The following TPMT variants were observed in gnomAD, a reference collection of about 807,000 sequenced individuals.
TPMT encodes thiopurine S-methyltransferase.
Under a neutral mutation model 34.2 loss-of-function variants are expected in TPMT, and 18 were observed. The ratio of observed to expected loss-of-function variants is 0.53; its 90% CI spans 0.36 to 0.78. TPMT has a LOEUF of 0.78. Ranked by LOEUF, TPMT falls within the 30% of genes least tolerant of loss-of-function variation. The pLI, the probability that TPMT is intolerant of heterozygous loss-of-function variation, is 0.00. For synonymous variants in TPMT, 69 were observed against 92.4 expected (o/e 0.75, Z 1.45); for missense variants, 265 against 288.1 (o/e 0.92, Z 0.58).
Position 18,132,209 on chromosome 6 carries a change from T to C in TPMT, c.581-32A>G, listed in dbSNP as rs1297851993. On this transcript the variant is annotated intron_variant, in intron 7 of 8. Coordinates refer to ENST00000309983, the MANE Select transcript of TPMT (RefSeq NM_000367.5). The surrounding 1 kb of genome is among the most constrained non-coding windows in gnomAD (Gnocchi z 4.8). ...AAAAGAGAAATAAATTCTGAGTTTA[T>C]TTCCAATGACGTAGGTGTACTTGTT... 2 of 1,606,630 alleles carry C rather than the reference T, an allele frequency of 1.2e-6. No individual in the cohort carries two copies. Among genetic ancestry groups the C allele is most frequent in the East Asian group, 2.2e-5 (1 of 44,854 alleles).
At position 18,139,139 on chromosome 6, in the gene TPMT, G is replaced by A. The variant is rs1784094777; in HGVS notation, c.420-102C>T. ...ATGCTGGTACTTCAACAATCGTCAA[G>A]GTATTAGGATCTCACGTCTGCGTTT... On this transcript the variant is annotated intron_variant, in intron 5 of 8. Transcript: ENST00000309983. The surrounding 1 kb of genome is among the most constrained non-coding windows in gnomAD (Gnocchi z 4.2). 9.5e-7 allele frequency: 1 copy of A among 1,050,068 alleles called. No individual in the cohort carries two copies. The highest frequency in any genetic ancestry group is 1.5e-6 in the Non-Finnish European group (1 of 667,712). 65.0% of individuals were successfully genotyped at this position (1,050,068 alleles called of 1,614,324 possible). A position where few individuals can be genotyped will look rare whatever the true frequency, so the allele number is the denominator to read the frequency against.
intron 6 of TPMT, among the ~76,000 whole-genome samples, chr6:18,137,551 G>A (rs1784065136): frequency 6.6e-6 from 1 of 151,998 alleles, no homozygotes; most frequent in Admixed American, 6.6e-5. Flanking sequence ...ATACAGATGT[G>A]GTCACATTTT....
At chr6:18,147,941 T>C (rs1784278548) in intron 2 of TPMT, 26 bp from the exon 3 acceptor site, 3 of 1,579,064 alleles carry the variant, frequency 1.9e-6, no homozygotes, top group South Asian at 1.1e-5. Flanking sequence ...AAAAAGGTTT[T>C]AGGACAATTG....
intron 3 of TPMT, among the ~76,000 whole-genome samples, chr6:18,144,597 TCGAGCTCC>T (rs1290795152): frequency 6.6e-6 from 1 of 152,020 alleles, no homozygotes; most frequent in Non-Finnish European, 1.5e-5. Context: ...CAGGCTGGTC[TCGAGCTCC>T]CGAACTCAGG....
intron 7 of TPMT, among the ~76,000 whole-genome samples, chr6:18,133,375 T>C: frequency 6.6e-6 from 1 of 152,276 alleles, no homozygotes; most frequent in South Asian, 2.1e-4. Context: ...GAGTTTTTCC[T>C]GCACAACTTC....
At chr6:18,137,142 T>G (rs570172388) in intron 6 of TPMT, among the ~76,000 whole-genome samples, 12 of 151,416 alleles carry the variant, frequency 7.9e-5, no homozygotes, top group East Asian at 3.9e-4. Context: ...TTTTTGGTTG[T>G]TTGTTTGTTT....
In TPMT at chr6:18,154,719, G is replaced by A. The variant is rs1166169757; in HGVS notation, c.-45+314C>T. ...GCCCAGGAGTTCCAGGTTACAGTGA[G>A]CTATGATTGTGCCACTGCACGCTAG... On this transcript the variant is annotated intron_variant, in intron 1 of 8. Transcript: ENST00000309983. This position sits in a 1 kb window ranked among gnomAD's most constrained non-coding sequence, Gnocchi z 4.2. Among the ~76,000 whole-genome samples the A allele has an allele frequency of 6.6e-6, 1 of 152,140 alleles. No individual in the cohort carries two copies. Among genetic ancestry groups the A allele is most frequent in the Admixed American group, 6.5e-5 (1 of 15,272 alleles).
Position 18,130,733 on chromosome 6 carries a change from C to T in TPMT, c.673G>A (p.Glu225Lys), listed in dbSNP as rs1211914655. 6.2e-7 allele frequency: 1 copy of T among 1,613,588 alleles called. No individual in the cohort carries two copies. The highest frequency in any genetic ancestry group is 2.2e-5 in the East Asian group (1 of 44,840). Residue 225 changes from glutamate (E) to lysine (K), a missense_variant, in exon 9 of 9, where the codon GAA (glutamate) becomes AAA (lysine). Glu to Lys is a moderately conservative substitution (Grantham distance 56, BLOSUM62 1). Coordinates refer to ENST00000309983, the MANE Select transcript of TPMT (RefSeq NM_000367.5). This position sits in a 1 kb window ranked among gnomAD's most constrained non-coding sequence, Gnocchi z 4.2. ...RCLEKVDAFE[E>K]RHKSWGIDCL... ...TCAATTCCCCAACTTTTATGTCGTT[C>T]TTCAAAAGCATCAACCTTCTCAAGA...
Position 18,149,187 on chromosome 6 carries a change from T to C in TPMT, c.-44-16A>G. 1.2e-6 allele frequency: 2 copies of C among 1,606,556 alleles called. No individual in the cohort carries two copies. Among genetic ancestry groups the C allele is most frequent in the South Asian group, 1.1e-5 (1 of 90,904 alleles). On this transcript the variant is annotated splice_polypyrimidine_tract_variant and intron_variant, in intron 1 of 8. Coordinates refer to ENST00000309983, the MANE Select transcript of TPMT (RefSeq NM_000367.5). This position sits in a 1 kb window ranked among gnomAD's most constrained non-coding sequence, Gnocchi z 5.0. The stretch of plus-strand genomic sequence containing the variant: ...TCTTCCGTGCCTACGTGGAAAATAT[T>C]TGCAATGTTGTCATTTAAGGTCATT...
rs150583386 is a variant in TPMT at position 18,138,379 on chromosome 6, G to A, written c.494+584C>T. On this transcript the variant is annotated intron_variant, in intron 6 of 8. Coordinates refer to ENST00000309983, the MANE Select transcript of TPMT (RefSeq NM_000367.5). This position sits in a 1 kb window ranked among gnomAD's most constrained non-coding sequence, Gnocchi z 4.1. Reference sequence around the variant, plus strand: ...TTTGAACTTCTGGGCTCACCCTCCTGCCTCAGCCTCCCAAGTAGCTGGGAC... The same window carrying A: ...TTTGAACTTCTGGGCTCACCCTCCTACCTCAGCCTCCCAAGTAGCTGGGAC... 1.5e-3 allele frequency among the ~76,000 whole-genome samples: 229 copies of A among 151,578 alleles called. 1 individual carries two copies. The highest frequency in any genetic ancestry group is 5.3e-3 in the African/African-American group (220 of 41,250).
intron 6 of TPMT, among the ~76,000 whole-genome samples, chr6:18,134,949 G>A (rs1373884656): frequency 2.0e-5 from 3 of 152,198 alleles, no homozygotes; most frequent in Non-Finnish European, 4.4e-5. Flanking sequence ...AGTTTCTATG[G>A]AGCCTGGCTA....
At chr6:18,134,020 C>T (rs1223149523) in intron 6 of TPMT, 131 bp from the exon 7 acceptor site, 1 of 718,144 alleles carries the variant, frequency 1.4e-6, no homozygotes, top group Non-Finnish European at 2.4e-6. Flanking sequence ...CTAATAATCA[C>T]AAGAGGTTGA....
Position 18,130,501 on chromosome 6 carries a change from T to C in TPMT, c.*167A>G. 2 of 579,662 alleles carry C rather than the reference T, an allele frequency of 3.5e-6. No individual in the cohort carries two copies. Among genetic ancestry groups the C allele is most frequent in the Non-Finnish European group, 6.2e-6 (2 of 323,610 alleles). The allele number at this position is 579,662 out of a possible 1,614,324, so 35.9% of individuals were successfully genotyped here. A position where few individuals can be genotyped will look rare whatever the true frequency, so the allele number is the denominator to read the frequency against. ...TAGTTACATCTTTTTCTTCTAAAAC[T>C]TTTTTAGAAAAAGTAAATGGCTTTA... On this transcript the variant is annotated 3_prime_UTR_variant, in exon 9 of 9. Coordinates refer to ENST00000309983, the MANE Select transcript of TPMT (RefSeq NM_000367.5). This position sits in a 1 kb window ranked among gnomAD's most constrained non-coding sequence, Gnocchi z 4.2.
rs73379184 is a variant in TPMT, at chr6:18,154,799, T to G, written c.-45+234A>C. Among the ~76,000 whole-genome samples the G allele has an allele frequency of 0.014, 2,088 of 152,076 alleles. 51 individuals are homozygous for G. The highest frequency in any genetic ancestry group is 0.047 in the African/African-American group (1,959 of 41,466). Reference sequence around the variant, plus strand: ...AAAAGAAAAAAGAAAAAAAAATAATTAAAACACACCAGTGCTTTGGAAGCA... The same window carrying G: ...AAAAGAAAAAAGAAAAAAAAATAATGAAAACACACCAGTGCTTTGGAAGCA... On this transcript the variant is annotated intron_variant, in intron 1 of 8. Coordinates refer to ENST00000309983, the MANE Select transcript of TPMT (RefSeq NM_000367.5). The surrounding 1 kb of genome is among the most constrained non-coding windows in gnomAD (Gnocchi z 4.2).
rs1045847531 is a variant in TPMT, at chr6:18,138,417, C to T, written c.494+546G>A. Among the ~76,000 whole-genome samples the T allele has an allele frequency of 2.6e-5, 4 of 152,050 alleles. No individual in the cohort carries two copies. The highest frequency in any genetic ancestry group is 7.2e-5 in the African/African-American group (3 of 41,400). Reference sequence around the variant, plus strand: ...AAGTAGCTGGGACTACAAGCACATACCACCACGGTCGGATAATTTTAAAAA... The same window carrying T: ...AAGTAGCTGGGACTACAAGCACATATCACCACGGTCGGATAATTTTAAAAA... On this transcript the variant is annotated intron_variant, in intron 6 of 8. Coordinates refer to ENST00000309983, the MANE Select transcript of TPMT (RefSeq NM_000367.5). The surrounding 1 kb of genome is among the most constrained non-coding windows in gnomAD (Gnocchi z 4.1).
rs561680835 is a variant in TPMT, at chr6:18,146,166, C to CATAT, written c.233+1653_233+1656dup. Among the ~76,000 whole-genome samples the CATAT allele has an allele frequency of 7.0e-6, 1 of 143,190 alleles. No homozygotes were observed. Among genetic ancestry groups the CATAT allele is most frequent in the Non-Finnish European group, 1.6e-5 (1 of 62,684 alleles). The allele number at this position is 143,190 out of a possible 152,430, so 93.9% of individuals were successfully genotyped here. ...TACATGTAATTACAGTAGCTCAGTTCATATATATATATACATAAAAATAAC... is the reference window on the plus strand; with the variant it reads ...TACATGTAATTACAGTAGCTCAGTTCATATATATATATATATACATAAAAATAAC... On this transcript the variant is annotated intron_variant, in intron 3 of 8. Transcript: ENST00000309983. The surrounding 1 kb of genome is among the most constrained non-coding windows in gnomAD (Gnocchi z 6.2).
chr6:18,154,902 C>G lies in TPMT; in HGVS notation c.-45+131G>C, dbSNP rs1015892086. ...CCCAGTTTCCGCTTCTGCCCTGAAC[C>G]CCACTTCACAGGGCTGATTGCTAGG... On this transcript the variant is annotated intron_variant, in intron 1 of 8. Transcript: ENST00000309983. This position sits in a 1 kb window ranked among gnomAD's most constrained non-coding sequence, Gnocchi z 4.2. 1 of 152,300 alleles carries G rather than the reference C, an allele frequency of 6.6e-6. No homozygotes were observed. Among genetic ancestry groups the G allele is most frequent in the Admixed American group, 6.5e-5 (1 of 15,288 alleles). The allele number at this position is 152,300 out of a possible 1,614,324, so 9.4% of individuals were successfully genotyped here.
rs563044749 is a variant in TPMT, at chr6:18,143,212, T to G, written c.366+384A>C. ...CATTACAAATAGCTTTGTCCCTGTT[T>G]CTCTTCTCTCCTAAACTAAGAGATT... On this transcript the variant is annotated intron_variant, in intron 4 of 8. Coordinates refer to ENST00000309983, the MANE Select transcript of TPMT (RefSeq NM_000367.5). The surrounding 1 kb of genome is among the most constrained non-coding windows in gnomAD (Gnocchi z 6.1). Among the ~76,000 whole-genome samples, 2 of 152,280 alleles carry G rather than the reference T, an allele frequency of 1.3e-5. No individual in the cohort carries two copies. The highest frequency in any genetic ancestry group is 4.8e-5 in the African/African-American group (2 of 41,554).
In TPMT at chr6:18,139,067, G is replaced by A; in HGVS notation, c.420-30C>T. ...CAGAAAGAGAAAAAACATTTTATGG[G>A]AGAAAAATCAAATCTTTAAGAAGAT... On this transcript the variant is annotated intron_variant, in intron 5 of 8. Transcript: ENST00000309983. The surrounding 1 kb of genome is among the most constrained non-coding windows in gnomAD (Gnocchi z 4.2). 6.3e-7 allele frequency: 1 copy of A among 1,590,994 alleles called. No homozygotes were observed. The highest frequency in any genetic ancestry group is 8.6e-7 in the Non-Finnish European group (1 of 1,158,854).
Sources: gnomAD v4.1 joint callset for allele counts (sites outside exome capture counted in the v4.1 genomes callset) on GRCh38, gnomAD v4.1.1 for gene constraint, Gnocchi (gnomAD v3.1) non-coding constraint, MANE v1.5 for transcripts, NCBI Gene and HGNC (gene_info 2026-07-23, HGNC 2026-07-21) for gene names.